HEPH: variants seen among roughly 807,000 people sequenced by gnomAD.
HEPH encodes hephaestin.
A neutral mutation model predicts 80.8 loss-of-function variants in HEPH; 69 were observed. That is an observed-to-expected ratio of 0.85 (90% CI 0.70 to 1.04). HEPH has a LOEUF of 1.04. Ranked by LOEUF, HEPH falls within the 50% of genes least tolerant of loss-of-function variation. The pLI is 0.00. For missense variants in HEPH, 1,115 were observed against 891.3 expected (o/e 1.25, Z -3.20); for synonymous variants, 431 against 322.8 (o/e 1.34, Z -3.60).
chrX:66,192,801 C>G (rs2087880062), intron 7 of HEPH, among the ~76,000 whole-genome samples: 1 of 111,323 alleles, frequency 9.0e-6, no homozygotes, highest in Admixed American at 9.6e-5. Context: ...GGAATTTCTC[C>G]AAGTTCTCCT....
At chrX:66,177,422 G>A (rs935375372) in intron 4 of HEPH, among the ~76,000 whole-genome samples, 2 of 111,444 alleles carry the variant, frequency 1.8e-5, no homozygotes, top group African/African-American at 3.3e-5. Flanking sequence ...TGTATTCAAG[G>A]TACCTAATTC....
chrX:66,189,621 A>T lies in HEPH; in HGVS notation c.809-63A>T, dbSNP rs1449657974. 4.5e-6 allele frequency: 5 copies of T among 1,111,524 alleles called. No individual in the cohort carries two copies. In the Admixed American group the frequency reaches 9.5e-5, roughly 21 times the overall value. The allele number at this position is 1,111,524 out of a possible 1,213,427, so 91.6% of individuals were successfully genotyped here. A position where few individuals can be genotyped will look rare whatever the true frequency, so the allele number is the denominator to read the frequency against. ...TATTATCTATTATTGTCAAATGGTA[A>T]GGCTTCTTCCATTTGGCTGTCCTTT... On this transcript the variant is annotated intron_variant, in intron 5 of 20. Transcript: ENST00000343002.
chrX:66,211,392 G>A (rs2089106079), intron 15 of HEPH, among the ~76,000 whole-genome samples: 1 of 111,386 alleles, frequency 9.0e-6, no homozygotes, highest in African/African-American at 3.3e-5. Context: ...TTTTTGTTAA[G>A]TATAGTAATC....
chrX:66,225,901 A>T (rs1043898250), intron 15 of HEPH, among the ~76,000 whole-genome samples: 1 of 112,433 alleles, frequency 8.9e-6, no homozygotes, highest in Non-Finnish European at 1.9e-5. Context: ...GAAGGGTTTT[A>T]TTCGGCCGGG....
intron 15 of HEPH, among the ~76,000 whole-genome samples, chrX:66,218,654 G>A (rs1437553091): frequency 4.5e-5 from 5 of 110,850 alleles, no homozygotes; most frequent in Non-Finnish European, 9.4e-5. Context: ...TCCAACAACC[G>A]AGCTCCCTGA....
At chrX:66,198,056 C>G (rs965490732) in intron 10 of HEPH, among the ~76,000 whole-genome samples, 162 bp downstream of exon 10, 3 of 111,885 alleles carry the variant, frequency 2.7e-5, no homozygotes, top group African/African-American at 6.5e-5. Context: ...CTCATACTAT[C>G]TTGCATGTTA....
intron 4 of HEPH, among the ~76,000 whole-genome samples, chrX:66,187,139 A>AT (rs1050062007): frequency 2.1e-4 from 23 of 108,996 alleles, no homozygotes; most frequent in Admixed American, 9.7e-4. Context: ...TTCACTTCTT[A>AT]TTTTTTTTGT....
intron 15 of HEPH, among the ~76,000 whole-genome samples, chrX:66,242,721 C>T (rs777898527): frequency 8.9e-6 from 1 of 112,019 alleles, no homozygotes; most frequent in South Asian, 3.7e-4. Context: ...TTCTTGAAGA[C>T]ATAGACGTTA....
chrX:66,190,061 G>C (rs1434025533), intron 6 of HEPH, 123 bp downstream of exon 6: 3 of 699,897 alleles, frequency 4.3e-6, no homozygotes, highest in Non-Finnish European at 6.1e-6. Flanking sequence ...TGGGATAAAG[G>C]ATAGCACACT....
intron 8 of HEPH, among the ~76,000 whole-genome samples, 196 bp downstream of exon 8, chrX:66,193,834 T>C (rs2087943229): frequency 8.9e-6 from 1 of 112,088 alleles, no homozygotes; most frequent in South Asian, 3.7e-4. Flanking sequence ...AGCAGTTAAA[T>C]AGTGCTTTTT....
chrX:66,229,699 T>G (rs761380796), intron 15 of HEPH, among the ~76,000 whole-genome samples: 1 of 112,413 alleles, frequency 8.9e-6, no homozygotes, highest in East Asian at 2.8e-4. Context: ...TTAGATGGCA[T>G]AGATTCTAAT....
At chrX:66,191,987 G>C (rs760801269) in intron 6 of HEPH, 143 bp from the exon 7 acceptor site, 7 of 530,520 alleles carry the variant, frequency 1.3e-5, no homozygotes, top group Non-Finnish European at 2.1e-5. Flanking sequence ...TTAAGAGTGA[G>C]AGAAAGCGGC....
intron 15 of HEPH, among the ~76,000 whole-genome samples, chrX:66,214,152 AGAT>A (rs2089283242): frequency 8.9e-6 from 1 of 111,837 alleles, no homozygotes; most frequent in South Asian, 3.7e-4. Flanking sequence ...ATCAGCATGT[AGAT>A]GATATTTAAA....
At chrX:66,228,811 C>A (rs1204423858) in intron 15 of HEPH, among the ~76,000 whole-genome samples, 1 of 112,014 alleles carries the variant, frequency 8.9e-6, no homozygotes, top group Non-Finnish European at 1.9e-5. Flanking sequence ...AAATTCAAAT[C>A]AAAACCACAG....
chrX:66,197,483 A>G (rs1040012622), intron 9 of HEPH, among the ~76,000 whole-genome samples, 200 bp from the exon 10 acceptor site: 1 of 111,881 alleles, frequency 8.9e-6, no homozygotes, highest in Admixed American at 9.5e-5. Context: ...TGCATTTCAT[A>G]TAGCAAGTAA....
chrX:66,224,387 T>G (rs2089790415), intron 15 of HEPH, among the ~76,000 whole-genome samples: 2 of 110,210 alleles, frequency 1.8e-5, no homozygotes, highest in Non-Finnish European at 3.8e-5. Context: ...AGGGAGTTCC[T>G]CCTAGGTCTG....
At chrX:66,246,399 G>A (rs1413635776) in intron 15 of HEPH, among the ~76,000 whole-genome samples, 1 of 111,617 alleles carries the variant, frequency 9.0e-6, no homozygotes, top group Non-Finnish European at 1.9e-5. Flanking sequence ...CTGGTGCTAA[G>A]CCCTGTCTGA....
At chrX:66,225,361 C>A (rs954607793) in intron 15 of HEPH, among the ~76,000 whole-genome samples, 2 of 111,759 alleles carry the variant, frequency 1.8e-5, no homozygotes, top group Non-Finnish European at 3.8e-5. Flanking sequence ...GTAAAAAGGG[C>A]ACATAAACAC....
In HEPH at chrX:66,200,716, A is replaced by G; in HGVS notation, c.2041A>G (p.Thr681Ala). 2 of 1,211,128 alleles carry G rather than the reference A, an allele frequency of 1.7e-6. No individual in the cohort carries two copies. The highest frequency in any genetic ancestry group is 2.2e-6 in the Non-Finnish European group (2 of 895,332). Reference protein sequence around the residue: ...RKGAAMLFPHTFVMAIMQPDN... With the variant: ...RKGAAMLFPHAFVMAIMQPDN... ...GGGTGCAGCTATGCTCTTTCCTCATACCTTTGTCATGGCCATCATGCAGCC... is the reference window on the plus strand; with the variant it reads ...GGGTGCAGCTATGCTCTTTCCTCATGCCTTTGTCATGGCCATCATGCAGCC... The change falls in exon 12 of 21, where the codon ACC becomes GCC. Residue 681 changes from threonine (T) to alanine (A), a missense_variant. By Grantham distance (58) the Thr-to-Ala change is moderately conservative (BLOSUM62 0). Around this residue, in one of 3 missense-constraint regions of HEPH, gnomAD observed 716 missense variants for 523.5 expected, o/e 1.37. Coordinates refer to ENST00000343002, the MANE Select transcript of HEPH (RefSeq NM_001367233.3).
Sources: gnomAD v4.1 joint callset for allele counts (sites outside exome capture counted in the v4.1 genomes callset) on GRCh38, gnomAD v4.1.1 for gene constraint, gnomAD v4.1.1 regional missense constraint, MANE v1.5 for transcripts, NCBI Gene and HGNC (gene_info 2026-07-23, HGNC 2026-07-21) for gene names.